ZNF83: variants seen among roughly 807,000 people sequenced by gnomAD.
The protein encoded by ZNF83 is zinc finger protein 816B.
For missense variants in ZNF83, 552 were observed against 629.9 expected (o/e 0.88, Z 1.32); for synonymous variants, 209 against 213.0 (o/e 0.98, Z 0.17).
chr19:52,686,391 T>G (rs1312448443), intron 1 of ZNF83, among the ~76,000 whole-genome samples: 1 of 150,922 alleles, frequency 6.6e-6, no homozygotes, highest in East Asian at 1.9e-4. Flanking sequence ...CTTTCAGAAG[T>G]GATTAAGTAT....
chr19:52,622,588 C>T (rs2060589031), intron 2 of ZNF83, among the ~76,000 whole-genome samples: 1 of 151,992 alleles, frequency 6.6e-6, no homozygotes, highest in Non-Finnish European at 1.5e-5. Context: ...AGTTGAAGTG[C>T]TTAAAAAGGC....
At chr19:52,615,196 A>G (rs1269626280) in intron 2 of ZNF83, among the ~76,000 whole-genome samples, 1 of 152,196 alleles carries the variant, frequency 6.6e-6, no homozygotes, top group Non-Finnish European at 1.5e-5. Context: ...GGTCAGAGAA[A>G]ACATTCTTTG....
At chr19:52,634,095 C>T (rs2061064082) in intron 2 of ZNF83, among the ~76,000 whole-genome samples, 1 of 151,840 alleles carries the variant, frequency 6.6e-6, no homozygotes, top group Non-Finnish European at 1.5e-5. Context: ...CGTGATGAAA[C>T]CCTGTGTCTA....
intron 3 of ZNF83, chr19:52,655,527 A>C: frequency 6.9e-7 from 1 of 1,451,114 alleles, no homozygotes; most frequent in Non-Finnish European, 9.6e-7. Context: ...AGACAAGGGC[A>C]GATTCCTCAC....
At chr19:52,667,279 T>C (rs962670856) in intron 1 of ZNF83, among the ~76,000 whole-genome samples, 82 of 149,900 alleles carry the variant, frequency 5.5e-4, no homozygotes, top group African/African-American at 1.9e-3. Context: ...GAATGTTATA[T>C]GGTAAATTCT....
intron 1 of ZNF83, among the ~76,000 whole-genome samples, chr19:52,689,167 T>G (rs1331859015): frequency 6.6e-6 from 1 of 152,224 alleles, no homozygotes; most frequent in Non-Finnish European, 1.5e-5. Context: ...TTTGTTTTGC[T>G]TTTGTAAGGC....
intron 2 of ZNF83, among the ~76,000 whole-genome samples, chr19:52,627,328 TGAGGGTG>T (rs2060779851): frequency 2.0e-5 from 3 of 151,618 alleles, no homozygotes; most frequent in Admixed American, 6.6e-5. Context: ...GCAGTCTAGT[TGAGGGTG>T]GAGGGTGGGA....
chr19:52,623,326 G>C (rs1398906577), intron 2 of ZNF83, among the ~76,000 whole-genome samples: 7 of 152,134 alleles, frequency 4.6e-5, no homozygotes, highest in Non-Finnish European at 8.8e-5. Context: ...AATTGATACA[G>C]GGGCTAACCA....
intron 1 of ZNF83, among the ~76,000 whole-genome samples, chr19:52,679,130 T>C (rs1301178689): frequency 1.3e-5 from 2 of 152,208 alleles, no homozygotes; most frequent in Non-Finnish European, 2.9e-5. Flanking sequence ...GTGACACATA[T>C]TGGTGTGAAA....
At chr19:52,655,504 G>A (rs1467948347) in intron 3 of ZNF83, 11 of 1,396,752 alleles carry the variant, frequency 7.9e-6, no homozygotes, top group Non-Finnish European at 1.1e-5. Context: ...ACAAAACCAG[G>A]AAGAGCCAAG....
At chr19:52,639,421 T>TTCTTTC (rs1272810651), upstream of ZNF83, among the ~76,000 whole-genome samples, 3 of 140,228 alleles carry the variant, frequency 2.1e-5, no homozygotes, top group African/African-American at 5.3e-5. Context: ...TTCTATTTTT[T>TTCTTTC]TTTTTTTTTT....
chr19:52,627,311 T>TGCAG (rs1568542471), intron 2 of ZNF83, among the ~76,000 whole-genome samples: 1 of 151,484 alleles, frequency 6.6e-6, no homozygotes, highest in Non-Finnish European at 1.5e-5. Context: ...CAGACGAGCA[T>TGCAG]GACACTGCAG....
chr19:52,682,800 C>T (rs1315342810), intron 1 of ZNF83, among the ~76,000 whole-genome samples: 1 of 152,182 alleles, frequency 6.6e-6, no homozygotes, highest in Non-Finnish European at 1.5e-5. Flanking sequence ...CCCAGGAGTT[C>T]AAGGCTGCTG....
rs550585674 is a variant in ZNF83, at chr19:52,629,459, T to C, written c.-234+5607A>G. Among the ~76,000 whole-genome samples, 791 of 152,152 alleles carry C rather than the reference T, an allele frequency of 5.2e-3. 3 individuals carry two copies. Among genetic ancestry groups the C allele is most frequent in the Non-Finnish European group, 8.7e-3 (594 of 67,992 alleles). On this transcript the variant is annotated intron_variant, in intron 2 of 2. Transcript: ENST00000301096. ...TTCCCCTCCTCCCCAGGCTGCTCCT[T>C]GCCAGGCCGAGCTAGGTCCCAATTC...
exon 3 of ZNF83, chr19:52,613,424 C>T (rs993285760): frequency 1.2e-6 from 2 of 1,613,586 alleles, no homozygotes; most frequent in African/African-American, 2.7e-5. Context: ...TGACTGAATG[C>T]TTTGTCACAT....
chr19:52,679,811 T>G (rs778816480), intron 1 of ZNF83, among the ~76,000 whole-genome samples: 6 of 152,086 alleles, frequency 3.9e-5, no homozygotes, highest in Non-Finnish European at 5.9e-5. Context: ...ACTCACTCCA[T>G]AGGGGAGTGC....
At chr19:52,620,254 C>T (rs865853066) in intron 2 of ZNF83, among the ~76,000 whole-genome samples, 1 of 134,362 alleles carries the variant, frequency 7.4e-6, no homozygotes, top group African/African-American at 2.9e-5. Context: ...GTGTGTATAT[C>T]TGTGTGTGTA....
At chr19:52,676,909 A>G (rs1394142449) in intron 1 of ZNF83, among the ~76,000 whole-genome samples, 22 of 137,662 alleles carry the variant, frequency 1.6e-4, no homozygotes, top group Admixed American at 3.0e-4. Flanking sequence ...GTGCTTTGTT[A>G]AACAGATGCT....
In ZNF83 at chr19:52,666,446, A is replaced by G. The variant is rs993001175; in HGVS notation, c.-282-5603T>C. Among the ~76,000 whole-genome samples, 7 of 152,268 alleles carry G rather than the reference A, an allele frequency of 4.6e-5. No homozygotes were observed. In the East Asian group the frequency reaches 1.4e-3, roughly 29 times the overall value. On this transcript the variant is annotated intron_variant, in intron 1 of 5. Coordinates refer to the ZNF83 transcript ENST00000594682. ...GGCATATCCTGAAAGCACTGAGGCCACTGACAACCCATAGCTTACCTATCA... is the reference window on the plus strand; with the variant it reads ...GGCATATCCTGAAAGCACTGAGGCCGCTGACAACCCATAGCTTACCTATCA...
Sources: allele counts gnomAD v4.1 joint callset (sites outside exome capture counted in the v4.1 genomes callset), GRCh38; gene constraint gnomAD v4.1.1; transcripts MANE v1.5; gene names NCBI Gene and HGNC (gene_info 2026-07-23, HGNC 2026-07-21).